The following PTPRM variants were observed in gnomAD, a reference collection of about 807,000 sequenced individuals.
PTPRM encodes protein tyrosine phosphatase receptor type M, also known as receptor-type tyrosine-protein phosphatase mu.
PTPRM carries 47 observed loss-of-function variants against 186.7 expected under a neutral mutation model. The observed-to-expected ratio is 0.25, with a 90% CI of 0.20 to 0.32. The LOEUF (loss-of-function observed/expected upper bound fraction) is 0.32. PTPRM is among the 10% of genes least tolerant of loss of function. PTPRM has a pLI of 1.00. For missense variants in PTPRM, 1,494 were observed against 1,865.0 expected, an observed-to-expected ratio of 0.80 and a Z score of 3.66; for synonymous variants, 668 against 674.9, an observed-to-expected ratio of 0.99 and a Z score of 0.16.
At chr18:8,137,319 C>T (rs1305101912) in intron 13 of PTPRM, among the ~76,000 whole-genome samples, 1 of 152,082 alleles carries the variant, frequency 6.6e-6, no homozygotes, top group African/African-American at 2.4e-5. Context: ...AGGTTCAATT[C>T]AGACATTGAA....
At chr18:7,662,388 G>C (rs1259309404) in intron 1 of PTPRM, among the ~76,000 whole-genome samples, 1 of 152,184 alleles carries the variant, frequency 6.6e-6, no homozygotes, top group Non-Finnish European at 1.5e-5. Flanking sequence ...CCATAAAAAA[G>C]AATGAGATCC....
chr18:8,165,633 A>G (rs77709304), intron 14 of PTPRM, among the ~76,000 whole-genome samples: 1 of 152,306 alleles, frequency 6.6e-6, no homozygotes, highest in African/African-American at 2.4e-5. Flanking sequence ...AGAAAGCAAT[A>G]TGTTCTGCTG....
At chr18:7,602,610 A>G (rs912303212) in intron 1 of PTPRM, among the ~76,000 whole-genome samples, 2 of 151,286 alleles carry the variant, frequency 1.3e-5, no homozygotes, top group African/African-American at 4.9e-5. Flanking sequence ...TATTTTTTGT[A>G]GGCTTGGGGT....
At chr18:8,377,330 A>AT (rs932995087) in intron 26 of PTPRM, 7 of 152,150 alleles carry the variant, frequency 4.6e-5, no homozygotes, top group Non-Finnish European at 1.0e-4. Context: ...ACCTAATCCC[A>AT]TTTTTTTAGC....
At chr18:8,086,508 A>G (rs772185168) in intron 10 of PTPRM, among the ~76,000 whole-genome samples, 1 of 152,186 alleles carries the variant, frequency 6.6e-6, no homozygotes. Flanking sequence ...CAACAGCAAT[A>G]AAAAAATTGC....
At chr18:8,267,992 C>G (rs1440604272) in intron 19 of PTPRM, among the ~76,000 whole-genome samples, 1 of 152,052 alleles carries the variant, frequency 6.6e-6, no homozygotes, top group South Asian at 2.1e-4. Context: ...TGTCTAAGCT[C>G]TTTTATTGCC....
At chr18:8,042,819 C>T (rs1395425974) in intron 7 of PTPRM, among the ~76,000 whole-genome samples, 1 of 152,166 alleles carries the variant, frequency 6.6e-6, no homozygotes, top group Non-Finnish European at 1.5e-5. Context: ...CTGCTGTACA[C>T]CTGCCCAGCT....
chr18:7,997,979 A>G (rs986755632), intron 7 of PTPRM, among the ~76,000 whole-genome samples: 6 of 152,206 alleles, frequency 3.9e-5, no homozygotes, highest in African/African-American at 1.4e-4. Flanking sequence ...AGGTTCCTCT[A>G]AAACTAAAAA....
At chr18:8,118,810 A>AT (rs1568370785) in intron 13 of PTPRM, among the ~76,000 whole-genome samples, 126 of 137,240 alleles carry the variant, frequency 9.2e-4, no homozygotes, top group East Asian at 3.0e-3. Context: ...AAAAAAAAAA[A>AT]AATATATATA....
chr18:8,010,440 G>A (rs2084456342), intron 7 of PTPRM, among the ~76,000 whole-genome samples: 1 of 152,168 alleles, frequency 6.6e-6, no homozygotes, highest in Non-Finnish European at 1.5e-5. Flanking sequence ...GAAATGTCCT[G>A]TTCCCTAAAC....
chr18:7,885,848 A>C (rs2146327815), intron 2 of PTPRM, among the ~76,000 whole-genome samples: 1 of 152,294 alleles, frequency 6.6e-6, no homozygotes, highest in South Asian at 2.1e-4. Context: ...CTAGTAAAAT[A>C]ACAGTTTTGG....
chr18:8,332,745 G>T (rs1398610403), intron 22 of PTPRM, among the ~76,000 whole-genome samples: 7 of 152,180 alleles, frequency 4.6e-5, no homozygotes, highest in Admixed American at 4.6e-4. Flanking sequence ...TCTTGTCACA[G>T]GAAACCCTAC....
intron 30 of PTPRM, among the ~76,000 whole-genome samples, chr18:8,386,221 T>A (rs1037986859): frequency 1.3e-5 from 2 of 152,134 alleles, no homozygotes; most frequent in Non-Finnish European, 2.9e-5. Context: ...GAGAGAGGGC[T>A]GAACCAGATA....
At position 8,100,404 on chromosome 18, in the gene PTPRM, G is replaced by A. The variant is rs564590598; in HGVS notation, c.1856+11553G>A. Reference sequence around the variant, plus strand: ...GATCTACCCACCTTGGCGTCCCAAAGTGCTGAGATTACAGGTGTGAGCCGC... The same window carrying A: ...GATCTACCCACCTTGGCGTCCCAAAATGCTGAGATTACAGGTGTGAGCCGC... On this transcript the variant is annotated intron_variant, in intron 11 of 32. Transcript: ENST00000580170. Among the ~76,000 whole-genome samples, 3 of 152,270 alleles carry A rather than the reference G, an allele frequency of 2.0e-5. No homozygotes were observed. The East Asian group carries it at 5.8e-4, about 29-fold the overall frequency.
At chr18:7,623,536 A>T (rs904652102) in intron 1 of PTPRM, among the ~76,000 whole-genome samples, 1 of 152,172 alleles carries the variant, frequency 6.6e-6, no homozygotes, top group Non-Finnish European at 1.5e-5. Context: ...ATGCTTTGAA[A>T]TAGTCTTAGA....
At chr18:8,107,756 T>A (rs1009174021) in intron 11 of PTPRM, among the ~76,000 whole-genome samples, 1 of 152,244 alleles carries the variant, frequency 6.6e-6, no homozygotes, top group African/African-American at 2.4e-5. Flanking sequence ...GGTCTATTTA[T>A]CCTGTGTGAT....
intron 1 of PTPRM, among the ~76,000 whole-genome samples, chr18:7,611,473 TA>T (rs1251654786): frequency 6.6e-6 from 1 of 152,176 alleles, no homozygotes; most frequent in African/African-American, 2.4e-5. Flanking sequence ...TATGTTTAGA[TA>T]GACAAATATT....
chr18:8,298,660 C>T (rs983721019), intron 20 of PTPRM, among the ~76,000 whole-genome samples: 3 of 152,144 alleles, frequency 2.0e-5, no homozygotes, highest in African/African-American at 4.8e-5. Flanking sequence ...AACAACACCA[C>T]GAAATAGGTA....
intron 23 of PTPRM, among the ~76,000 whole-genome samples, chr18:8,347,837 G>A (rs530338839): frequency 6.6e-6 from 1 of 152,214 alleles, no homozygotes; most frequent in South Asian, 2.1e-4. Context: ...TCCTTACCAG[G>A]TTTGTGGGGA....
Sources: gnomAD v4.1 joint callset for allele counts (sites outside exome capture counted in the v4.1 genomes callset) on GRCh38, gnomAD v4.1.1 for gene constraint, MANE v1.5 for transcripts, NCBI Gene and HGNC (gene_info 2026-07-23, HGNC 2026-07-21) for gene names.